ZNF804A: variants seen among roughly 807,000 people sequenced by gnomAD.
ZNF804A encodes the protein zinc finger protein 804A.
Under a neutral mutation model 16.5 loss-of-function variants are expected in ZNF804A, and 2 were observed. The ratio of observed to expected loss-of-function variants is 0.12; its 90% CI spans 0.05 to 0.38. ZNF804A has a LOEUF of 0.38. ZNF804A is among the 10% of genes least tolerant of loss of function. ZNF804A has a pLI of 0.99. For synonymous variants in ZNF804A, 534 were observed against 489.6 expected, an observed-to-expected ratio of 1.09 and a Z score of -1.20; for missense variants, 1,473 against 1,390.7, an observed-to-expected ratio of 1.06 and a Z score of -0.94.
intron 1 of ZNF804A, among the ~76,000 whole-genome samples, chr2:184,689,501 T>C (rs1238647776): frequency 6.6e-6 from 1 of 152,028 alleles, no homozygotes; most frequent in Non-Finnish European, 1.5e-5. Flanking sequence ...ATTAAGGAAT[T>C]TGGTAAGAAC....
chr2:184,732,724 T>C (rs561692064), intron 1 of ZNF804A, among the ~76,000 whole-genome samples: 6 of 152,282 alleles, frequency 3.9e-5, no homozygotes, highest in South Asian at 2.1e-4. Flanking sequence ...GTACTTTTCC[T>C]CATATAGATA....
intron 1 of ZNF804A, among the ~76,000 whole-genome samples, chr2:184,609,256 C>G (rs1158274140): frequency 6.6e-6 from 1 of 152,042 alleles, no homozygotes. Context: ...TGGAGGGAAA[C>G]AGATATAGGA....
intron 1 of ZNF804A, among the ~76,000 whole-genome samples, chr2:184,645,292 A>T (rs1327594762): frequency 6.6e-6 from 1 of 152,140 alleles, no homozygotes; most frequent in Non-Finnish European, 1.5e-5. Context: ...CTTTCCTCTG[A>T]TACTAATGTT....
chr2:184,786,060 C>A (rs1694444610), intron 1 of ZNF804A, among the ~76,000 whole-genome samples: 1 of 151,984 alleles, frequency 6.6e-6, no homozygotes. Flanking sequence ...TAATATGGAA[C>A]TGTAAAGTCA....
chr2:184,874,339 G>A (rs1696019832), intron 2 of ZNF804A, among the ~76,000 whole-genome samples: 1 of 152,028 alleles, frequency 6.6e-6, no homozygotes, highest in East Asian at 1.9e-4. Flanking sequence ...ATTCAACTTA[G>A]TATATAATGC....
intron 1 of ZNF804A, among the ~76,000 whole-genome samples, chr2:184,622,080 A>G (rs963207201): frequency 1.8e-4 from 27 of 151,758 alleles, no homozygotes; most frequent in African/African-American, 6.3e-4. Flanking sequence ...TACTCTGATT[A>G]TATCTTACTT....
intron 1 of ZNF804A, among the ~76,000 whole-genome samples, chr2:184,827,740 T>A (rs1695187492): frequency 6.6e-6 from 1 of 151,474 alleles, no homozygotes; most frequent in Admixed American, 6.6e-5. Flanking sequence ...TTGGCTGAAT[T>A]AGTAATTTAT....
At chr2:184,770,887 A>G (rs1694201673) in intron 1 of ZNF804A, among the ~76,000 whole-genome samples, 1 of 152,044 alleles carries the variant, frequency 6.6e-6, no homozygotes, top group African/African-American at 2.4e-5. Flanking sequence ...ATAACCCAAA[A>G]TCTTGTCTAT....
At chr2:184,825,018 A>G (rs1320286259) in intron 1 of ZNF804A, among the ~76,000 whole-genome samples, 1 of 152,146 alleles carries the variant, frequency 6.6e-6, no homozygotes, top group African/African-American at 2.4e-5. Context: ...GAGTGTCAAA[A>G]TCATATTTAT....
chr2:184,927,163 C>T (rs180710157), intron 2 of ZNF804A, among the ~76,000 whole-genome samples: 14 of 152,248 alleles, frequency 9.2e-5, no homozygotes, highest in East Asian at 1.9e-4. Flanking sequence ...TTTCCAGGTC[C>T]GAAAGGACTG....
chr2:184,752,590 C>T (rs1484765661), intron 1 of ZNF804A, among the ~76,000 whole-genome samples: 1 of 151,422 alleles, frequency 6.6e-6, no homozygotes, highest in Non-Finnish European at 1.5e-5. Flanking sequence ...ACAATATACC[C>T]ATGTAATAAA....
At chr2:184,932,512 AG>A (rs1251372910) in intron 2 of ZNF804A, among the ~76,000 whole-genome samples, 1 of 152,134 alleles carries the variant, frequency 6.6e-6, no homozygotes, top group Non-Finnish European at 1.5e-5. Context: ...AGTATGGGAA[AG>A]ACCCGCCCCC....
chr2:184,733,298 C>T (rs556706550), intron 1 of ZNF804A, among the ~76,000 whole-genome samples: 1 of 152,122 alleles, frequency 6.6e-6, no homozygotes, highest in African/African-American at 2.4e-5. Flanking sequence ...GTGATTTTTT[C>T]TTCTGTAACC....
chr2:184,737,438 G>C (rs1693643990), intron 1 of ZNF804A, among the ~76,000 whole-genome samples: 1 of 151,936 alleles, frequency 6.6e-6, no homozygotes, highest in African/African-American at 2.4e-5. Context: ...TGTAATAATT[G>C]ATAAACTGTA....
chr2:184,616,620 CT>C (rs1221948806), intron 1 of ZNF804A, among the ~76,000 whole-genome samples: 1 of 152,048 alleles, frequency 6.6e-6, no homozygotes, highest in Non-Finnish European at 1.5e-5. Context: ...GGAATAGGTG[CT>C]TTCGGGAGTC....
intron 1 of ZNF804A, among the ~76,000 whole-genome samples, chr2:184,829,205 T>G (rs900957571): frequency 2.6e-5 from 4 of 151,760 alleles, no homozygotes; most frequent in Non-Finnish European, 5.9e-5. Flanking sequence ...GCATTTAGAT[T>G]TATATCAAAT....
chr2:184,858,177 AT>A (rs1353123537), intron 1 of ZNF804A, among the ~76,000 whole-genome samples: 1 of 151,822 alleles, frequency 6.6e-6, no homozygotes, highest in Admixed American at 6.6e-5. Flanking sequence ...AAATATATAT[AT>A]TTTTTATAGT....
intron 1 of ZNF804A, among the ~76,000 whole-genome samples, chr2:184,858,946 A>G (rs1403666083): frequency 6.6e-6 from 1 of 152,178 alleles, no homozygotes; most frequent in East Asian, 1.9e-4. Context: ...CTTAGCTGAT[A>G]GTTTTTTTCC....
chr2:184,648,782 C>T (rs902131824), intron 1 of ZNF804A, among the ~76,000 whole-genome samples: 4 of 152,134 alleles, frequency 2.6e-5, no homozygotes, highest in Non-Finnish European at 5.9e-5. Context: ...CCCTGATTTA[C>T]AAAACAAGTA....
Sources: allele counts gnomAD v4.1 joint callset (sites outside exome capture counted in the v4.1 genomes callset), GRCh38; gene constraint gnomAD v4.1.1; transcripts MANE v1.5; gene names NCBI Gene and HGNC (gene_info 2026-07-23, HGNC 2026-07-21).